DGKB: variants seen among roughly 807,000 people sequenced by gnomAD.
DGKB encodes the protein 90 kDa diacylglycerol kinase.
A neutral mutation model predicts 114.3 loss-of-function variants in DGKB; 67 were observed. The ratio of observed to expected loss-of-function variants is 0.59; its 90% CI spans 0.48 to 0.72. The LOEUF is 0.72. Among genes scored for constraint, DGKB ranks in the 30% least tolerant of loss-of-function variants. DGKB has a pLI of 0.00. For synonymous variants in DGKB, 398 were observed against 323.1 expected, an observed-to-expected ratio of 1.23 and a Z score of -2.49; for missense variants, 907 against 975.2, an observed-to-expected ratio of 0.93 and a Z score of 0.93.
chr7:14,714,775 G>C (rs1265171631), intron 6 of DGKB, among the ~76,000 whole-genome samples: 1 of 152,148 alleles, frequency 6.6e-6, no homozygotes, highest in Non-Finnish European at 1.5e-5. Context: ...TAGTATAGGA[G>C]CAAATAAGTT....
chr7:14,944,833 T>C (rs1785780528), intron 1 of DGKB, among the ~76,000 whole-genome samples: 1 of 151,722 alleles, frequency 6.6e-6, no homozygotes, highest in Admixed American at 6.6e-5. Context: ...TGAATTAAAA[T>C]CTGCATTTTA....
At chr7:14,719,148 A>G (rs12699658) in intron 5 of DGKB, among the ~76,000 whole-genome samples, 63,888 of 151,946 alleles carry the variant, frequency 0.42, 14,982 homozygotes, top group East Asian at 0.87. Context: ...ATAAAGTCAT[A>G]TATTTGTTTC....
At chr7:14,312,030 A>G (rs1196941401) in intron 23 of DGKB, among the ~76,000 whole-genome samples, 4 of 152,068 alleles carry the variant, frequency 2.6e-5, no homozygotes, top group African/African-American at 9.7e-5. Context: ...TTTCTGAAGC[A>G]GATTAACACA....
chr7:14,259,295 G>T (rs748500730), intron 23 of DGKB, among the ~76,000 whole-genome samples: 1 of 147,828 alleles, frequency 6.8e-6, no homozygotes, highest in Non-Finnish European at 1.5e-5. Context: ...TGCAATACTG[G>T]CAAATTAACA....
rs967444277 is a variant in DGKB at position 14,648,346 on chromosome 7, C to G, written c.1135-18078G>C. On this transcript the variant is annotated intron_variant, in intron 13 of 25. Transcript: ENST00000402815. Reference sequence around the variant, plus strand: ...AAGTGGGTCCCTGACCCCTGACCCCCGAGCAGCCTAACTGGGAGGCACCCC... The same window carrying G: ...AAGTGGGTCCCTGACCCCTGACCCCGGAGCAGCCTAACTGGGAGGCACCCC... Among the ~76,000 whole-genome samples the G allele has an allele frequency of 3.9e-5, 6 of 152,310 alleles. No individual in the cohort carries two copies. In the South Asian group the frequency reaches 8.3e-4, roughly 21 times the overall value.
intron 21 of DGKB, among the ~76,000 whole-genome samples, chr7:14,418,369 GTGTATA>G (rs1378922842): frequency 8.4e-6 from 1 of 118,988 alleles, no homozygotes; most frequent in African/African-American, 4.0e-5. Flanking sequence ...ATATGTGTGT[GTGTATA>G]TATATATATA....
At chr7:14,599,427 A>T (rs1803154668) in intron 17 of DGKB, among the ~76,000 whole-genome samples, 1 of 152,090 alleles carries the variant, frequency 6.6e-6, no homozygotes, top group African/African-American at 2.4e-5. Context: ...AAACTTACAC[A>T]ATATTTTCCA....
intron 1 of DGKB, among the ~76,000 whole-genome samples, chr7:14,858,568 G>T (rs970033246): frequency 9.9e-5 from 15 of 152,158 alleles, no homozygotes; most frequent in African/African-American, 3.6e-4. Context: ...TGGGATGGCA[G>T]CTTCAAAGGG....
chr7:14,256,520 T>G (rs1052882292), intron 23 of DGKB, among the ~76,000 whole-genome samples: 1 of 152,136 alleles, frequency 6.6e-6, no homozygotes, highest in Non-Finnish European at 1.5e-5. Context: ...TATGAATACT[T>G]GAAGTGCTAT....
intron 20 of DGKB, among the ~76,000 whole-genome samples, chr7:14,518,679 T>A (rs970892299): frequency 1.3e-5 from 2 of 152,086 alleles, no homozygotes; most frequent in African/African-American, 4.8e-5. Flanking sequence ...TAGGAATTTA[T>A]AGGAATGTGG....
intron 20 of DGKB, among the ~76,000 whole-genome samples, chr7:14,553,921 G>GGA (rs1475823562): frequency 7.6e-6 from 1 of 130,744 alleles, no homozygotes; most frequent in Non-Finnish European, 1.5e-5. Flanking sequence ...CGCCCAGGCT[G>GGA]GAGTGCAGTG....
chr7:14,429,386 C>T (rs1264933593), intron 21 of DGKB, among the ~76,000 whole-genome samples: 1 of 152,118 alleles, frequency 6.6e-6, no homozygotes, highest in Non-Finnish European at 1.5e-5. Flanking sequence ...AAAGGGTCCT[C>T]ACCAGAACCA....
chr7:14,548,876 G>A (rs1794701032), intron 20 of DGKB, among the ~76,000 whole-genome samples: 1 of 151,860 alleles, frequency 6.6e-6, no homozygotes, highest in Admixed American at 6.6e-5. Context: ...ATGATAAAAT[G>A]ACAGGATTTC....
Position 14,806,515 on chromosome 7 carries a change from C to T in DGKB, c.70+34679G>A, listed in dbSNP as rs529866528. On this transcript the variant is annotated intron_variant, in intron 2 of 25. Transcript: ENST00000402815. ...CATAAATGGGCAATTAATAATTATT[C>T]TCTATTTTGTAAAAATGTGAATAGC... Among the ~76,000 whole-genome samples the T allele has an allele frequency of 8.8e-4, 133 of 151,396 alleles. 2 individuals are homozygous for T. Among genetic ancestry groups the T allele is most frequent in the African/African-American group, 3.1e-3 (128 of 41,362 alleles).
At chr7:14,505,103 G>A (rs1035822656) in intron 20 of DGKB, among the ~76,000 whole-genome samples, 1 of 152,082 alleles carries the variant, frequency 6.6e-6, no homozygotes, top group Non-Finnish European at 1.5e-5. Context: ...TCCATTCCTT[G>A]TCCTCATATC....
intron 25 of DGKB, among the ~76,000 whole-genome samples, chr7:14,162,481 A>T (rs2128226120): frequency 6.6e-6 from 1 of 152,316 alleles, no homozygotes; most frequent in South Asian, 2.1e-4. Context: ...GGTATTACAT[A>T]TCTGGCATAT....
chr7:14,530,304 T>A (rs1791365257), intron 20 of DGKB, among the ~76,000 whole-genome samples: 1 of 151,622 alleles, frequency 6.6e-6, no homozygotes, highest in Non-Finnish European at 1.5e-5. Context: ...TTCTGAGTTA[T>A]GCCTTTGGTC....
chr7:14,176,078 T>C (rs1437915476), intron 25 of DGKB: 1 of 151,786 alleles, frequency 6.6e-6, no homozygotes. Flanking sequence ...TAATCCAGCT[T>C]CTTATCATCA....
intron 23 of DGKB, among the ~76,000 whole-genome samples, chr7:14,301,456 G>A (rs1199582585): frequency 6.6e-6 from 1 of 152,082 alleles, no homozygotes; most frequent in Non-Finnish European, 1.5e-5. Context: ...TTCATGTACT[G>A]CAGAGACAAC....
Sources: gnomAD v4.1 joint callset for allele counts (sites outside exome capture counted in the v4.1 genomes callset) on GRCh38, gnomAD v4.1.1 for gene constraint, MANE v1.5 for transcripts, NCBI Gene and HGNC (gene_info 2026-07-23, HGNC 2026-07-21) for gene names.